DGKB: variants seen among roughly 807,000 people sequenced by gnomAD.
DGKB encodes 90 kDa diacylglycerol kinase.
DGKB carries 67 observed loss-of-function variants against 114.3 expected under a neutral mutation model. The ratio of observed to expected loss-of-function variants is 0.59; its 90% confidence interval spans 0.48 to 0.72. The LOEUF (loss-of-function observed/expected upper bound fraction) is 0.72. Ranked by LOEUF, DGKB falls within the 30% of genes least tolerant of loss-of-function variation. The pLI is 0.00. For synonymous variants in DGKB, 398 were observed against 323.1 expected (o/e 1.23, Z -2.49); for missense variants, 907 against 975.2 (o/e 0.93, Z 0.93).
intron 23 of DGKB, among the ~76,000 whole-genome samples, chr7:14,299,649 C>T (rs969689): frequency 0.81 from 122,685 of 151,980 alleles, 49,814 homozygotes; most frequent in South Asian, 0.92. Context: ...TAATAAAAAA[C>T]TGAATCACAT....
intron 25 of DGKB, chr7:14,176,370 A>C: frequency 1.0e-6 from 1 of 984,864 alleles, no homozygotes; most frequent in Non-Finnish European, 1.2e-6. Flanking sequence ...TTATGGTAGA[A>C]ACTGGAGAGA....
intron 1 of DGKB, among the ~76,000 whole-genome samples, chr7:14,955,243 C>G (rs959843073): frequency 6.6e-6 from 1 of 151,986 alleles, no homozygotes; most frequent in Admixed American, 6.6e-5. Context: ...TTTTGTATTA[C>G]CATTGTTCCA....
At chr7:14,461,941 C>T (rs555767595) in intron 21 of DGKB, among the ~76,000 whole-genome samples, 1 of 152,276 alleles carries the variant, frequency 6.6e-6, no homozygotes, top group South Asian at 2.1e-4. Flanking sequence ...GGATGCAAGG[C>T]TGGTTCAACA....
intron 25 of DGKB, among the ~76,000 whole-genome samples, chr7:14,163,370 G>A (rs1054550014): frequency 6.6e-6 from 1 of 152,058 alleles, no homozygotes; most frequent in African/African-American, 2.4e-5. Context: ...TATGAAATTA[G>A]GAAAAATTAT....
chr7:14,302,121 A>C lies in DGKB; in HGVS notation c.2122+36394T>G, dbSNP rs370429750. On this transcript the variant is annotated intron_variant, in intron 23 of 25. Coordinates refer to ENST00000402815, the MANE Select transcript of DGKB (RefSeq NM_001350709.2). ...GCATGGAATAAATGTACCTAGACAC[A>C]AAAGAATAGATACTAAGTTATTTTA... Among the ~76,000 whole-genome samples the C allele has an allele frequency of 2.0e-5, 3 of 152,146 alleles. No homozygotes were observed. In the South Asian group the frequency reaches 6.2e-4, roughly 32 times the overall value.
chr7:14,298,243 G>A (rs191873106), intron 23 of DGKB, among the ~76,000 whole-genome samples: 34 of 152,190 alleles, frequency 2.2e-4, no homozygotes, highest in Non-Finnish European at 4.6e-4. Context: ...AGCCTGTATA[G>A]CCAAGACAGT....
chr7:14,284,954 A>G (rs375379169), intron 23 of DGKB, among the ~76,000 whole-genome samples: 154 of 151,900 alleles, frequency 1.0e-3, no homozygotes, highest in Non-Finnish European at 1.8e-3. Context: ...TGGCACATGT[A>G]TATGTATGTA....
intron 1 of DGKB, among the ~76,000 whole-genome samples, chr7:14,876,841 A>G (rs1853366221): frequency 6.6e-6 from 1 of 152,208 alleles, no homozygotes; most frequent in Admixed American, 6.5e-5. Flanking sequence ...CAGTGTAAAT[A>G]TTTGTATTCA....
rs754264385 is a variant in DGKB, at chr7:14,379,399, G to GT, written c.1836-34009dup. Reference sequence around the variant, plus strand: ...TTAGGCGACTCAAAGAAATTATGGAGTTTTTTTTTTTTTTTTTTTCCACTT... The same window carrying GT: ...TTAGGCGACTCAAAGAAATTATGGAGTTTTTTTTTTTTTTTTTTTTCCACTT... On this transcript the variant is annotated intron_variant, in intron 21 of 25. Transcript: ENST00000402815. Among the ~76,000 whole-genome samples the GT allele has an allele frequency of 6.3e-3, 882 of 139,424 alleles. 6 individuals are homozygous for GT. The highest frequency in any genetic ancestry group is 0.014 in the East Asian group (68 of 4,802). 91.5% of individuals were successfully genotyped at this position (139,424 alleles called of 152,430 possible).
Position 14,499,002 on chromosome 7 carries a change from T to C in DGKB, c.1771-20777A>G, listed in dbSNP as rs538143588. On this transcript the variant is annotated intron_variant, in intron 20 of 25. Transcript: ENST00000402815. ...GGTAAAGAGTTTTAATTTCATTTCA[T>C]TGGGAAGTTTAGTCCTCTGAATTAA... is the stretch of plus-strand genomic sequence containing the variant. Among the ~76,000 whole-genome samples the C allele has an allele frequency of 2.0e-5, 3 of 151,750 alleles. No individual in the cohort carries two copies. The South Asian group carries it at 6.2e-4, about 31-fold the overall frequency.
At chr7:14,562,429 G>C (rs1266494410) in intron 20 of DGKB, among the ~76,000 whole-genome samples, 1 of 152,194 alleles carries the variant, frequency 6.6e-6, no homozygotes, top group East Asian at 1.9e-4. Context: ...CCCCAGAATG[G>C]CAGATCCACT....
rs56127930 is a variant in DGKB at position 14,754,589 on chromosome 7, T to A, written c.148-641A>T. Among the ~76,000 whole-genome samples, 6 of 151,796 alleles carry A rather than the reference T, an allele frequency of 4.0e-5. No individual in the cohort carries two copies. The East Asian group carries it at 1.2e-3, about 30-fold the overall frequency. ...GTCCAAGATCAAAAGAAAAAAAAAATGTGTGGAATGCTAAACTGGTTTCCC... is the reference window on the plus strand; with the variant it reads ...GTCCAAGATCAAAAGAAAAAAAAAAAGTGTGGAATGCTAAACTGGTTTCCC... On this transcript the variant is annotated intron_variant, in intron 3 of 25. Coordinates refer to ENST00000402815, the MANE Select transcript of DGKB (RefSeq NM_001350709.2).
chr7:14,318,584 G>C (rs1025607230), intron 23 of DGKB, among the ~76,000 whole-genome samples: 19 of 152,092 alleles, frequency 1.2e-4, no homozygotes, highest in African/African-American at 4.3e-4. Context: ...AAACCACAAT[G>C]AGATACCATC....
intron 20 of DGKB, among the ~76,000 whole-genome samples, chr7:14,552,978 T>G (rs1795319079): frequency 6.6e-6 from 1 of 152,220 alleles, no homozygotes; most frequent in Non-Finnish European, 1.5e-5. Flanking sequence ...AGGCTGATAG[T>G]GACGGCTTTG....
intron 6 of DGKB, among the ~76,000 whole-genome samples, chr7:14,710,477 C>A (rs955551109): frequency 2.0e-5 from 3 of 152,048 alleles, no homozygotes; most frequent in Non-Finnish European, 2.9e-5. Flanking sequence ...TTCTCATAAA[C>A]TTCATGGATT....
At chr7:14,917,904 C>A (rs551283337) in intron 1 of DGKB, among the ~76,000 whole-genome samples, 2 of 152,104 alleles carry the variant, frequency 1.3e-5, no homozygotes, top group African/African-American at 2.4e-5. Context: ...GAACTATACA[C>A]CACCACCAAG....
At chr7:14,695,894 A>G (rs1431040158) in intron 8 of DGKB, among the ~76,000 whole-genome samples, 1 of 152,174 alleles carries the variant, frequency 6.6e-6, no homozygotes, top group African/African-American at 2.4e-5. Context: ...AGCCTTAGGC[A>G]AGATGACAAG....
Position 14,709,710 on chromosome 7 carries a change from G to T in DGKB, c.467-7980C>A, listed in dbSNP as rs1420562537. Among the ~76,000 whole-genome samples, 90 of 143,016 alleles carry T rather than the reference G, an allele frequency of 6.3e-4. No individual in the cohort carries two copies. The South Asian group carries it at 0.011, about 18-fold the overall frequency. The allele number at this position is 143,016 out of a possible 152,430, so 93.8% of individuals were successfully genotyped here. ...AAATCATCATTCTCAGTAAACTATC[G>T]CAAGAACAAAAAACCAAACACCGCA... On this transcript the variant is annotated intron_variant, in intron 6 of 25. Transcript: ENST00000402815.
At chr7:14,892,698 C>T (rs1781437168) in intron 1 of DGKB, among the ~76,000 whole-genome samples, 1 of 151,094 alleles carries the variant, frequency 6.6e-6, no homozygotes, top group Non-Finnish European at 1.5e-5. Flanking sequence ...AAATTTTCTC[C>T]ACCTTGTTCA....
Sources: gnomAD v4.1 joint callset for allele counts (sites outside exome capture counted in the v4.1 genomes callset) on GRCh38, gnomAD v4.1.1 for gene constraint, MANE v1.5 for transcripts, NCBI Gene and HGNC (gene_info 2026-07-23, HGNC 2026-07-21) for gene names.